Variants in APC observed in about 807,000 individuals in gnomAD.
APC encodes APC regulator of Wnt signaling pathway, also known as adenomatous polyposis coli protein.
In APC, 72 loss-of-function variants were observed where a neutral mutation model predicts 247.0. The ratio of observed to expected loss-of-function variants is 0.29; its 90% CI spans 0.24 to 0.35. The LOEUF is 0.35. Among genes scored for constraint, APC ranks in the 10% least tolerant of loss-of-function variants. The pLI is 1.00. For synonymous variants in APC, 1,254 were observed against 1,162.5 expected (o/e 1.08, Z -1.60); for missense variants, 3,400 against 3,360.7 (o/e 1.01, Z -0.29).
intron 8 of APC, among the ~76,000 whole-genome samples, chr5:112,802,196 G>A (rs1934010883): frequency 6.6e-6 from 1 of 151,968 alleles, no homozygotes; most frequent in African/African-American, 2.4e-5. Flanking sequence ...TGATAGTATT[G>A]TTTTTAAGAA....
At position 112,763,765 on chromosome 5, in the gene APC, T is replaced by A. The variant is rs113277442; in HGVS notation, c.136-2561T>A. 5.0e-3 allele frequency among the ~76,000 whole-genome samples: 762 copies of A among 152,364 alleles called. 8 individuals carry two copies. The highest frequency in any genetic ancestry group is 0.018 in the African/African-American group (729 of 41,592). Reference sequence around the variant, plus strand: ...CCATAGAATAACACTGTTAACATTTTAATGATTCTGCTTTCAGCATCAGCT... The same window carrying A: ...CCATAGAATAACACTGTTAACATTTAAATGATTCTGCTTTCAGCATCAGCT... On this transcript the variant is annotated intron_variant, in intron 2 of 15. Transcript: ENST00000257430.
rs757164742 is a variant in APC at position 112,838,161 on chromosome 5, G to T, written c.2567G>T (p.Arg856Leu). The T allele has an allele frequency of 6.2e-7, 1 of 1,614,116 alleles. No homozygotes were observed. Residue 856 changes from arginine (R) to leucine (L), a missense_variant, in exon 16 of 16, where the codon CGC becomes CTC. Physicochemically the swap from Arg to Leu is moderately radical, Grantham distance 102. Coordinates refer to ENST00000257430, the MANE Select transcript of APC (RefSeq NM_000038.6). ...SEKDRSLERE[R>L]GIGLGNYHPA... is the part of the protein sequence containing the mutation. ...AAAGATAGAAGTTTGGAGAGAGAAC[G>T]CGGAATTGGTCTAGGCAACTACCAT...
rs571304880 is a variant in APC at position 112,842,606 on chromosome 5, C to T, written c.7012C>T (p.Pro2338Ser). 3 of 1,613,736 alleles carry T rather than the reference C, an allele frequency of 1.9e-6. No homozygotes were observed. Among genetic ancestry groups the T allele is most frequent in the African/African-American group, 1.3e-5 (1 of 75,026 alleles). ...TTCCCCTGGTAGAAATGGAATAAGT[C>T]CTCCTAACAAATTATCTCAACTTCC... ...SISPGRNGIS[P>S]PNKLSQLPRT... Residue 2338 changes from proline to serine, a missense_variant, in exon 16 of 16, where the codon CCT becomes TCT. Transcript: ENST00000257430.
At chr5:112,712,083 C>T (rs1006790393) in intron 1 of APC, among the ~76,000 whole-genome samples, 2 of 152,196 alleles carry the variant, frequency 1.3e-5, no homozygotes, top group Non-Finnish European at 2.9e-5. Flanking sequence ...GTGGCTTAGC[C>T]AGTGGAGTGA....
intron 7 of APC, among the ~76,000 whole-genome samples, chr5:112,799,886 T>C (rs1760628705): frequency 1.3e-5 from 2 of 152,078 alleles, no homozygotes; most frequent in African/African-American, 4.8e-5. Flanking sequence ...CATCCTCTAC[T>C]CCTCCCCTTT....
At position 112,749,132 on chromosome 5, in the gene APC, G is replaced by A. The variant is rs140684732; in HGVS notation, c.-18-5741G>A. Among the ~76,000 whole-genome samples the A allele has an allele frequency of 4.7e-3, 721 of 152,184 alleles. 8 individuals are homozygous for A. The highest frequency in any genetic ancestry group is 0.016 in the African/African-American group (674 of 41,530). The stretch of plus-strand genomic sequence containing the variant: ...AATGATCTTATATTGCACTCTACTC[G>A]CATTCCTGGAATAAACTCAGCTTTG... On this transcript the variant is annotated intron_variant, in intron 1 of 15. Transcript: ENST00000257430.
In APC at chr5:112,838,159, A is replaced by G. The variant is rs763603183; in HGVS notation, c.2565A>G (p.Glu855=). 1 of 1,614,178 alleles carries G rather than the reference A, an allele frequency of 6.2e-7. No homozygotes were observed. Among genetic ancestry groups the G allele is most frequent in the Non-Finnish European group, 8.5e-7 (1 of 1,180,030 alleles). The stretch of plus-strand genomic sequence containing the variant: ...AAAAAGATAGAAGTTTGGAGAGAGA[A>G]CGCGGAATTGGTCTAGGCAACTACC... ...RSEKDRSLER[E]RGIGLGNYHP... Residue 855 remains glutamate, a synonymous_variant, in exon 16 of 16, where the codon GAA becomes GAG. Coordinates refer to ENST00000257430, the MANE Select transcript of APC (RefSeq NM_000038.6).
chr5:112,774,245 G>A (rs1757353973), intron 4 of APC, among the ~76,000 whole-genome samples: 1 of 152,106 alleles, frequency 6.6e-6, no homozygotes, highest in Non-Finnish European at 1.5e-5. Flanking sequence ...ACCTAGTATA[G>A]ATTGAGCATC....
At chr5:112,783,765 C>CAAAAAAAAAAAA (rs77929348) in intron 6 of APC, 9 of 198,092 alleles carry the variant, frequency 4.5e-5, no homozygotes, top group South Asian at 6.3e-5. Context: ...CCACTGCACT[C>CAAAAAAAAAAAA]AAAAAAAAAA....
Position 112,718,558 on chromosome 5 carries a change from CAACA to C in APC, c.165+10682_165+10685del, listed in dbSNP as rs200004079. Among the ~76,000 whole-genome samples the C allele has an allele frequency of 4.9e-3, 752 of 152,328 alleles. 4 individuals carry two copies. The highest frequency in any genetic ancestry group is 6.6e-3 in the Non-Finnish European group (450 of 68,024). Reference sequence around the variant, plus strand: ...TGGTCCCCTGTGCCTGCAATGCAGGCAACAAACAACCAAGCTCAGCCTCTTAAAT... The same window carrying C: ...TGGTCCCCTGTGCCTGCAATGCAGGCAACAACCAAGCTCAGCCTCTTAAAT... On this transcript the variant is annotated intron_variant, in intron 1 of 13. Coordinates refer to the APC transcript ENST00000507379.
chr5:112,737,962 G>T (rs1316112193), intron 1 of APC, 37 bp downstream of exon 1: 2 of 982,546 alleles, frequency 2.0e-6, no homozygotes, highest in Non-Finnish European at 2.4e-6. Flanking sequence ...GCTTGCTGCG[G>T]GGGGAGGGGG....
chr5:112,828,812 TATG>T, intron 13 of APC, 41 bp from the exon 14 acceptor site: 1 of 1,382,804 alleles, frequency 7.2e-7, no homozygotes, highest in Admixed American at 1.7e-5. Flanking sequence ...AAGCAACTAG[TATG>T]ATTTTATGTA....
At chr5:112,836,167 C>T (rs1157611570) in intron 15 of APC, among the ~76,000 whole-genome samples, 2 of 20,412 alleles carry the variant, frequency 9.8e-5, no homozygotes, top group African/African-American at 1.9e-4. Context: ...ATTACAGGTC[C>T]CCCCCCCCCC....
At chr5:112,736,411 A>G (rs1041787873), upstream of APC, among the ~76,000 whole-genome samples, 68 of 152,352 alleles carry the variant, frequency 4.5e-4, no homozygotes, top group African/African-American at 1.6e-3. Flanking sequence ...TGAAAGAGAA[A>G]AAAAACAAAG....
Position 112,792,530 on chromosome 5 carries a change from GT to G in APC, c.729+3del, listed in dbSNP as rs780245766. On this transcript the variant is annotated splice_donor_variant, in intron 7 of 15. Coordinates refer to ENST00000257430, the MANE Select transcript of APC (RefSeq NM_000038.6). LOFTEE classifies it high-confidence loss of function. ...ACAGTCCCAAGCAACAGAAGCAGAG[GT>G]TAGTAAATTGCCTTTCTTGTTTGTG... is the stretch of plus-strand genomic sequence containing the variant. 6.2e-7 allele frequency: 1 copy of G among 1,610,534 alleles called. No individual in the cohort carries two copies. The highest frequency in any genetic ancestry group is 1.3e-5 in the African/African-American group (1 of 74,824).
chr5:112,826,172 G>A (rs1163066124), intron 11 of APC, among the ~76,000 whole-genome samples: 3 of 152,296 alleles, frequency 2.0e-5, no homozygotes, highest in Middle Eastern at 3.4e-3. Context: ...CGTACTGGCT[G>A]TCTTGCAGAT....
At chr5:112,821,843 C>T (rs1398721720) in intron 10 of APC, 53 bp from the exon 11 acceptor site, 2 of 1,381,782 alleles carry the variant, frequency 1.4e-6, no homozygotes, top group Non-Finnish European at 2.1e-6. Flanking sequence ...CAATAAACAT[C>T]ATTGCTCTTC....
At chr5:112,787,327 A>G (rs934292232) in intron 6 of APC, among the ~76,000 whole-genome samples, 3 of 152,226 alleles carry the variant, frequency 2.0e-5, no homozygotes, top group African/African-American at 7.2e-5. Flanking sequence ...CCTAGCATAT[A>G]TATCTAAAAG....
In APC at chr5:112,841,743, A is replaced by G. The variant is rs1766148054; in HGVS notation, c.6149A>G (p.Lys2050Arg). Residue 2050 changes from lysine to arginine, a missense_variant, in exon 16 of 16, where the codon AAG becomes AGG. By Grantham distance (26) the Lys-to-Arg change is conservative (BLOSUM62 2). This residue lies in a region of APC where 1,788 missense variants were observed against 1,649.5 expected (regional missense o/e 1.08). Coordinates refer to ENST00000257430, the MANE Select transcript of APC (RefSeq NM_000038.6). This position sits in a 1 kb window ranked among gnomAD's most constrained non-coding sequence, Gnocchi z 4.6. ...TGTATAAGCTCCGCAATGCCAAAAA[A>G]GAAAAAGCCTTCAAGACTCAAGGGT... ...QECISSAMPK[K>R]KKPSRLKGDN... The G allele has an allele frequency of 6.2e-7, 1 of 1,614,080 alleles. No homozygotes were observed. Among genetic ancestry groups the G allele is most frequent in the Admixed American group, 1.7e-5 (1 of 60,020 alleles).
Sources: allele counts gnomAD v4.1 joint callset (sites outside exome capture counted in the v4.1 genomes callset), GRCh38; gene constraint gnomAD v4.1.1; regional missense constraint gnomAD v4.1.1; non-coding constraint Gnocchi (gnomAD v3.1); transcripts MANE v1.5; gene names NCBI Gene and HGNC (gene_info 2026-07-23, HGNC 2026-07-21).